Variants in FAM47E observed in about 807,000 individuals in gnomAD.
The protein encoded by FAM47E is protein FAM47E.
A neutral mutation model predicts 41.6 loss-of-function variants in FAM47E; 32 were observed. The ratio of observed to expected loss-of-function variants is 0.77; its 90% CI spans 0.58 to 1.03. The LOEUF (loss-of-function observed/expected upper bound fraction) is 1.03. Ranked by LOEUF, FAM47E falls within the 50% of genes least tolerant of loss-of-function variation. FAM47E has a pLI of 0.00. For synonymous variants in FAM47E, 184 were observed against 188.7 expected, an observed-to-expected ratio of 0.98 and a Z score of 0.20; for missense variants, 424 against 485.4, an observed-to-expected ratio of 0.87 and a Z score of 1.19.
intron 2 of FAM47E, among the ~76,000 whole-genome samples, chr4:76,233,433 T>C (rs896205066): frequency 4.6e-5 from 7 of 152,236 alleles, no homozygotes; most frequent in African/African-American, 1.7e-4. Context: ...CAATAATCTT[T>C]AAGGTTGCTT....
At position 76,278,065 on chromosome 4, in the gene FAM47E, A is replaced by G; in HGVS notation, c.871-4A>G. 6.7e-7 allele frequency: 1 copy of G among 1,488,856 alleles called. No individual in the cohort carries two copies. The highest frequency in any genetic ancestry group is 8.9e-7 in the Non-Finnish European group (1 of 1,123,710). The allele number at this position is 1,488,856 out of a possible 1,614,324, so 92.2% of individuals were successfully genotyped here. ...GGCACTGGGAATTATGTTACTTTCCACAGAATCCTTATAAGCCAAAGTGGG... is the reference window on the plus strand; with the variant it reads ...GGCACTGGGAATTATGTTACTTTCCGCAGAATCCTTATAAGCCAAAGTGGG... On this transcript the variant is annotated splice_region_variant and splice_polypyrimidine_tract_variant and intron_variant, in intron 5 of 7. Coordinates refer to ENST00000424749, the MANE Select transcript of FAM47E (RefSeq NM_001136570.3).
rs72858514 is a variant in FAM47E, at chr4:76,225,581, G to A, written c.81+7893G>A. The stretch of plus-strand genomic sequence containing the variant: ...GCCCCTTCTATTTCGATTTTACCAG[G>A]GGTTTTAATCATAAAGCGATGCTGG... On this transcript the variant is annotated intron_variant, in intron 2 of 7. Transcript: ENST00000510197. 9.4e-3 allele frequency among the ~76,000 whole-genome samples: 1,438 copies of A among 152,232 alleles called. 24 individuals carry two copies. Among genetic ancestry groups the A allele is most frequent in the African/African-American group, 0.033 (1,365 of 41,502 alleles).
intron 2 of FAM47E, among the ~76,000 whole-genome samples, chr4:76,240,380 A>G (rs1733682244): frequency 6.6e-6 from 1 of 152,062 alleles, no homozygotes; most frequent in Non-Finnish European, 1.5e-5. Flanking sequence ...GTGTCTTTGA[A>G]TTTATCCTAC....
At chr4:76,263,867 G>T in intron 3 of FAM47E, 24 bp downstream of exon 3, 1 of 1,547,478 alleles carries the variant, frequency 6.5e-7, no homozygotes, top group South Asian at 1.2e-5. Flanking sequence ...TTAACCCTTC[G>T]ATCATTGCTG....
At chr4:76,278,248 A>G (rs975984405) in intron 6 of FAM47E, 24 bp downstream of exon 6, 2 of 1,496,942 alleles carry the variant, frequency 1.3e-6, no homozygotes, top group Admixed American at 5.0e-5. Context: ...CTGAGATTTG[A>G]TCATCTGAGC....
upstream of FAM47E, among the ~76,000 whole-genome samples, chr4:76,250,892 C>A (rs1441821855): frequency 2.0e-5 from 3 of 152,144 alleles, no homozygotes; most frequent in Non-Finnish European, 4.4e-5. Flanking sequence ...AATGCTGGCA[C>A]TGTGTTAATT....
At chr4:76,240,496 A>C (rs1437670245) in intron 2 of FAM47E, among the ~76,000 whole-genome samples, 1 of 151,762 alleles carries the variant, frequency 6.6e-6, no homozygotes, top group Non-Finnish European at 1.5e-5. Context: ...CCTTTCTCTT[A>C]CTTGTCCTCA....
At position 76,251,810 on chromosome 4, in the gene FAM47E, T is replaced by G. The variant is rs987665006; in HGVS notation, c.64T>G (p.Cys22Gly). The G allele has an allele frequency of 6.7e-7, 1 of 1,485,764 alleles. No homozygotes were observed. Among genetic ancestry groups the G allele is most frequent in the South Asian group, 1.3e-5 (1 of 78,870 alleles). The allele number at this position is 1,485,764 out of a possible 1,614,324, so 92.0% of individuals were successfully genotyped here. The stretch of plus-strand genomic sequence containing the variant: ...GGCCCCGGTGCGCGAGGGCGTGAAC[T>G]GCAGGTCCAGGTAAACACTCAGCGC... ...TLAPVREGVN[C>G]RSRCFTKHKN... is the part of the protein sequence containing the mutation. The change falls in exon 1 of 8, where the codon TGC (cysteine) becomes GGC (glycine). Residue 22 changes from cysteine to glycine, a missense_variant. Transcript: ENST00000424749.
chr4:76,251,555 C>T, upstream of FAM47E: 1 of 1,172,010 alleles, frequency 8.5e-7, no homozygotes, highest in Non-Finnish European at 1.1e-6. Flanking sequence ...CCGGTACCCT[C>T]TCCCTTCCCT....
intron 5 of FAM47E, among the ~76,000 whole-genome samples, chr4:76,276,825 G>C (rs1191256119): frequency 6.6e-6 from 1 of 152,212 alleles, no homozygotes; most frequent in African/African-American, 2.4e-5. Flanking sequence ...AAGGCGGTCT[G>C]TATGCTCGGA....
chr4:76,251,688 C>T, upstream of FAM47E: 2 of 1,400,046 alleles, frequency 1.4e-6, no homozygotes, highest in Middle Eastern at 1.9e-4. Flanking sequence ...AGCAACGGGG[C>T]GGCAGCAGGG....
chr4:76,219,344 G>A (rs985656909), intron 2 of FAM47E, among the ~76,000 whole-genome samples: 1 of 152,180 alleles, frequency 6.6e-6, no homozygotes, highest in Admixed American at 6.5e-5. Context: ...TATATCTAAT[G>A]TATATTCTGA....
chr4:76,254,659 A>G (rs1734113892), intron 1 of FAM47E, among the ~76,000 whole-genome samples: 2 of 152,166 alleles, frequency 1.3e-5, no homozygotes, highest in South Asian at 2.1e-4. Flanking sequence ...CTTTGTAGCA[A>G]TGGGTGTAGC....
intron 2 of FAM47E, among the ~76,000 whole-genome samples, chr4:76,233,686 G>A (rs1484070634): frequency 6.6e-6 from 1 of 152,070 alleles, no homozygotes; most frequent in Non-Finnish European, 1.5e-5. Context: ...TTCTTTAAGA[G>A]ACAGGGCTAG....
intron 2 of FAM47E, among the ~76,000 whole-genome samples, chr4:76,245,484 G>A (rs1275015146): frequency 6.6e-6 from 1 of 152,008 alleles, no homozygotes; most frequent in Non-Finnish European, 1.5e-5. Flanking sequence ...AAATAGGAGA[G>A]AGATGGAGAG....
At chr4:76,265,262 A>C (rs17308336) in intron 3 of FAM47E, among the ~76,000 whole-genome samples, 54,088 of 151,970 alleles carry the variant, frequency 0.36, 10,227 homozygotes, top group Admixed American at 0.42. Flanking sequence ...TGGGAAGCAC[A>C]ATTTCTCCTT....
intron 2 of FAM47E, among the ~76,000 whole-genome samples, chr4:76,233,542 C>T (rs1733528353): frequency 6.6e-6 from 1 of 151,612 alleles, no homozygotes; most frequent in Non-Finnish European, 1.5e-5. Flanking sequence ...TTTCTTTAGG[C>T]CAAATTAATT....
intron 5 of FAM47E, among the ~76,000 whole-genome samples, chr4:76,274,542 C>T (rs1021791705): frequency 6.6e-6 from 1 of 152,160 alleles, no homozygotes; most frequent in Non-Finnish European, 1.5e-5. Flanking sequence ...GATTGTGCCA[C>T]TGTACTCCAG....
chr4:76,237,329 C>T (rs2109989238), intron 2 of FAM47E, among the ~76,000 whole-genome samples: 1 of 147,852 alleles, frequency 6.8e-6, no homozygotes, highest in Middle Eastern at 3.6e-3. Flanking sequence ...AAAGTCCATT[C>T]AGATGGTTGA....
Sources: allele counts gnomAD v4.1 joint callset (sites outside exome capture counted in the v4.1 genomes callset), GRCh38; gene constraint gnomAD v4.1.1; transcripts MANE v1.5; gene names NCBI Gene and HGNC (gene_info 2026-07-23, HGNC 2026-07-21).